The following SYNRG variants were observed in gnomAD, a reference collection of about 807,000 sequenced individuals.
SYNRG encodes the protein synergin gamma, also known as AP1 gamma subunit binding protein 1.
A neutral mutation model predicts 130.9 loss-of-function variants in SYNRG; 37 were observed. That is an observed-to-expected ratio of 0.28 (90% CI 0.22 to 0.37). The LOEUF (loss-of-function observed/expected upper bound fraction) is 0.37, where lower values mean the gene tolerates loss of function less well. Ranked by LOEUF, SYNRG falls within the 10% of genes least tolerant of loss-of-function variation. The pLI is 1.00. For missense variants in SYNRG, 1,338 were observed against 1,588.9 expected (o/e 0.84, Z 2.68); for synonymous variants, 539 against 568.1 (o/e 0.95, Z 0.73).
At position 37,520,645 on chromosome 17, in the gene SYNRG, C is replaced by T. The variant is rs201693701; in HGVS notation, c.3670G>A (p.Asp1224Asn). The T allele has an allele frequency of 6.8e-6, 11 of 1,614,174 alleles. No individual in the cohort carries two copies. The East Asian group carries it at 2.2e-4, about 33-fold the overall frequency. The change falls in exon 20 of 22, where the codon GAT becomes AAT. Residue 1224 changes from aspartate (D) to asparagine (N), a missense_variant. Physicochemically the swap from Asp to Asn is conservative, Grantham distance 23 (BLOSUM62 1). Coordinates refer to ENST00000612223, the MANE Select transcript of SYNRG (RefSeq NM_007247.6). ...GFMSLATLTP[D>N]ENSLDFSSCM... ...GAGGAAAAATCCAGCGAGTTTTCAT[C>T]TGGCTGTGAGGACGACAAGACAAAT...
rs372310679 is a variant in SYNRG, at chr17:37,571,943, T to C, written c.946A>G (p.Ile316Val). 1.9e-6 allele frequency: 3 copies of C among 1,614,036 alleles called. No homozygotes were observed. The highest frequency in any genetic ancestry group is 1.3e-5 in the African/African-American group (1 of 74,948). The change falls in exon 9 of 22, where the codon ATA (isoleucine) becomes GTA (valine). Residue 316 changes from isoleucine to valine, a missense_variant. Ile to Val is a conservative substitution (Grantham distance 29). Coordinates refer to ENST00000612223, the MANE Select transcript of SYNRG (RefSeq NM_007247.6). Reference protein sequence around the residue: ...ILETTMTPTGIDTAKLYPILM... With the variant: ...ILETTMTPTGVDTAKLYPILM... ...ATGGGATACAGTTTGGCAGTATCTATTCCAGTTGGAGTCATTGTGGTTTCT... is the reference window on the plus strand; with the variant it reads ...ATGGGATACAGTTTGGCAGTATCTACTCCAGTTGGAGTCATTGTGGTTTCT...
chr17:37,579,026 G>T, intron 6 of SYNRG: 3 of 795,406 alleles, frequency 3.8e-6, no homozygotes, highest in Non-Finnish European at 4.7e-6. Flanking sequence ...ATACATTTAT[G>T]TGCATGTTTA....
intron 3 of SYNRG, 137 bp from the exon 4 acceptor site, chr17:37,586,686 A>C: frequency 9.9e-7 from 1 of 1,006,724 alleles, no homozygotes; most frequent in Admixed American, 2.8e-5. Context: ...AAAGATGCAA[A>C]GATGCAAATA....
intron 6 of SYNRG, chr17:37,579,487 A>C: frequency 1.6e-6 from 2 of 1,246,744 alleles, no homozygotes; most frequent in Non-Finnish European, 2.1e-6. Context: ...CCAACAGAGA[A>C]AAAGGAATTA....
chr17:37,566,455 T>C (rs896993417), intron 11 of SYNRG, among the ~76,000 whole-genome samples: 8 of 146,692 alleles, frequency 5.5e-5, no homozygotes, highest in African/African-American at 1.8e-4. Flanking sequence ...TTAAGAGTCA[T>C]CACCACTCCC....
At chr17:37,587,308 C>T (rs1828639085) in intron 3 of SYNRG, among the ~76,000 whole-genome samples, 1 of 152,038 alleles carries the variant, frequency 6.6e-6, no homozygotes, top group African/African-American at 2.4e-5. Context: ...CTCGATGGCA[C>T]CTGGCTCAAA....
At chr17:37,594,768 C>A (rs185042205) in intron 3 of SYNRG, among the ~76,000 whole-genome samples, 37 of 152,092 alleles carry the variant, frequency 2.4e-4, no homozygotes, top group Non-Finnish European at 1.2e-4. Context: ...CCATTTGCTA[C>A]CTTTATTCTA....
chr17:37,558,590 G>A lies in SYNRG; in HGVS notation c.1663+2605C>T, dbSNP rs185706222. On this transcript the variant is annotated intron_variant, in intron 13 of 21. Transcript: ENST00000612223. ...CCCTTGTACTCTAAGTCTTACTATCGGAGATGGTAACCACATGGGCACATA... is the reference window on the plus strand; with the variant it reads ...CCCTTGTACTCTAAGTCTTACTATCAGAGATGGTAACCACATGGGCACATA... Among the ~76,000 whole-genome samples, 26 of 152,076 alleles carry A rather than the reference G, an allele frequency of 1.7e-4. No homozygotes were observed. In the East Asian group the frequency reaches 4.2e-3, roughly 25 times the overall value.
At chr17:37,538,455 T>G in intron 17 of SYNRG, 35 bp from the exon 18 acceptor site, 3 of 1,465,956 alleles carry the variant, frequency 2.0e-6, no homozygotes, top group Non-Finnish European at 2.8e-6. Flanking sequence ...CTTACATAAC[T>G]GAGAAAAGTC....
chr17:37,555,094 A>G lies in SYNRG; in HGVS notation c.1664-1035T>C, dbSNP rs963363384. ...GTACTTCTCATAAATAATTAAACAGACTCAGTTAAGACATTGATAAAAATT... is the reference window on the plus strand; with the variant it reads ...GTACTTCTCATAAATAATTAAACAGGCTCAGTTAAGACATTGATAAAAATT... On this transcript the variant is annotated intron_variant, in intron 13 of 21. Coordinates refer to ENST00000612223, the MANE Select transcript of SYNRG (RefSeq NM_007247.6). Among the ~76,000 whole-genome samples the G allele has an allele frequency of 5.9e-5, 9 of 151,742 alleles. No individual in the cohort carries two copies. The East Asian group carries it at 1.2e-3, about 19-fold the overall frequency.
At chr17:37,560,634 C>T (rs955520383) in intron 13 of SYNRG, among the ~76,000 whole-genome samples, 36 of 151,028 alleles carry the variant, frequency 2.4e-4, no homozygotes, top group Admixed American at 1.1e-3. Context: ...CTACTGTGCC[C>T]GACCCTATCA....
At chr17:37,545,921 C>T (rs1202796788) in intron 14 of SYNRG, among the ~76,000 whole-genome samples, 2 of 152,126 alleles carry the variant, frequency 1.3e-5, no homozygotes, top group African/African-American at 2.4e-5. Context: ...GACAGAACAC[C>T]GTGCCCCTAA....
At chr17:37,583,715 T>A (rs2061496501) in intron 6 of SYNRG, among the ~76,000 whole-genome samples, 1 of 152,226 alleles carries the variant, frequency 6.6e-6, no homozygotes, top group South Asian at 2.1e-4. Context: ...TTTTTTGAGA[T>A]GGAGTCTTGC....
chr17:37,559,194 G>A (rs1467207708), intron 13 of SYNRG, among the ~76,000 whole-genome samples: 2 of 152,160 alleles, frequency 1.3e-5, no homozygotes, highest in African/African-American at 4.8e-5. Context: ...TATTATAGAT[G>A]TAAGACAGTA....
intron 1 of SYNRG, chr17:37,605,926 G>C: frequency 1.0e-6 from 1 of 985,286 alleles, no homozygotes; most frequent in Non-Finnish European, 1.2e-6. Context: ...CTTCCTAATG[G>C]ATCTCCCCAC....
chr17:37,534,373 G>A lies in SYNRG; in HGVS notation c.3666+1606C>T, dbSNP rs550804107. ...TTATCTATCTATCTATCTATAGACCGGGTTATGAGACTGGTTAATTTTTGT... is the reference window on the plus strand; with the variant it reads ...TTATCTATCTATCTATCTATAGACCAGGTTATGAGACTGGTTAATTTTTGT... On this transcript the variant is annotated intron_variant, in intron 19 of 21. Coordinates refer to ENST00000612223, the MANE Select transcript of SYNRG (RefSeq NM_007247.6). 2.6e-5 allele frequency among the ~76,000 whole-genome samples: 4 copies of A among 151,896 alleles called. No homozygotes were observed. The East Asian group carries it at 5.8e-4, about 22-fold the overall frequency.
chr17:37,539,060 G>A (rs2057481777), intron 17 of SYNRG, 132 bp downstream of exon 17: 5 of 1,484,096 alleles, frequency 3.4e-6, no homozygotes, highest in Non-Finnish European at 4.5e-6. Context: ...CTTCCACAGA[G>A]TTACTCTTTG....
rs768748274 is a variant in SYNRG, at chr17:37,586,461, T to A, written c.329A>T (p.Gln110Leu). 6.2e-7 allele frequency: 1 copy of A among 1,614,238 alleles called. No homozygotes were observed. The highest frequency in any genetic ancestry group is 1.1e-5 in the South Asian group (1 of 91,082). ...CTGCTTCTGCATGTCTGGAGTGTACTGTGGGCCTGGAGGACGCATGCCCAG... is the reference window on the plus strand; with the variant it reads ...CTGCTTCTGCATGTCTGGAGTGTACAGTGGGCCTGGAGGACGCATGCCCAG... The part of the protein sequence containing the change: ...PFLGMRPPGP[Q>L]YTPDMQKQFA... Residue 110 changes from glutamine (Q) to leucine (L), a missense_variant, in exon 4 of 22, where the codon CAG (glutamine) becomes CTG (leucine). This residue lies in a region of SYNRG where 184 missense variants were observed against 217.2 expected (regional missense o/e 0.85). Transcript: ENST00000612223.
chr17:37,561,462 A>C lies in SYNRG; in HGVS notation c.1600+9T>G, dbSNP rs1249835596. On this transcript the variant is annotated intron_variant, in intron 12 of 21. Coordinates refer to ENST00000612223, the MANE Select transcript of SYNRG (RefSeq NM_007247.6). ...CATTCACAAGTTTATGAATTTACCAACTTTTTACCTCCAGGTGGAACAGTA... is the reference window on the plus strand; with the variant it reads ...CATTCACAAGTTTATGAATTTACCACCTTTTTACCTCCAGGTGGAACAGTA... The C allele has an allele frequency of 6.2e-7, 1 of 1,607,950 alleles. No homozygotes were observed. The highest frequency in any genetic ancestry group is 8.5e-7 in the Non-Finnish European group (1 of 1,174,700).
Sources: gnomAD v4.1 joint callset for allele counts (sites outside exome capture counted in the v4.1 genomes callset) on GRCh38, gnomAD v4.1.1 for gene constraint, gnomAD v4.1.1 regional missense constraint, MANE v1.5 for transcripts, NCBI Gene and HGNC (gene_info 2026-07-23, HGNC 2026-07-21) for gene names.